PDE4D: variants seen among roughly 807,000 people sequenced by gnomAD.
PDE4D encodes 3',5'-cyclic-AMP phosphodiesterase 4D.
PDE4D carries 24 observed loss-of-function variants against 87.4 expected under a neutral mutation model. The ratio of observed to expected loss-of-function variants is 0.27; its 90% CI spans 0.20 to 0.39. The LOEUF (loss-of-function observed/expected upper bound fraction) is 0.39, where lower values mean the gene tolerates loss of function less well. Ranked by LOEUF, PDE4D falls within the 10% of genes least tolerant of loss-of-function variation. PDE4D has a pLI of 1.00. For missense variants in PDE4D, 714 were observed against 1,041.0 expected (o/e 0.69, Z 4.32); for synonymous variants, 384 against 383.2 (o/e 1.00, Z -0.02).
chr5:60,431,174 A>AC (rs1430061543), intron 1 of PDE4D: 5 of 179,312 alleles, frequency 2.8e-5, no homozygotes, highest in African/African-American at 2.7e-5. Flanking sequence ...CGGGGGGCTG[A>AC]CCCCCCCACC....
intron 1 of PDE4D, among the ~76,000 whole-genome samples, chr5:59,826,426 A>AAC (rs1413452391): frequency 6.6e-6 from 1 of 152,176 alleles, no homozygotes; most frequent in Non-Finnish European, 1.5e-5. Flanking sequence ...GCACATGAAA[A>AAC]ACATTTATGC....
intron 2 of PDE4D, among the ~76,000 whole-genome samples, chr5:60,028,443 T>C (rs557476984): frequency 1.3e-5 from 2 of 152,294 alleles, no homozygotes; most frequent in East Asian, 1.9e-4. Context: ...TCTGCCCTCA[T>C]TGTTTGCCTA....
At chr5:59,848,718 G>T (rs1744243723) in intron 1 of PDE4D, among the ~76,000 whole-genome samples, 1 of 152,002 alleles carries the variant, frequency 6.6e-6, no homozygotes, top group Non-Finnish European at 1.5e-5. Context: ...AATATAGGAA[G>T]TATTTTTAAA....
At chr5:59,373,932 T>A (rs1424567134) in intron 1 of PDE4D, among the ~76,000 whole-genome samples, 1 of 152,080 alleles carries the variant, frequency 6.6e-6, no homozygotes, top group Non-Finnish European at 1.5e-5. Context: ...AAACTAAGCA[T>A]CATAAGTGAA....
At chr5:60,045,793 G>C (rs1173285961) in intron 2 of PDE4D, among the ~76,000 whole-genome samples, 1 of 152,182 alleles carries the variant, frequency 6.6e-6, no homozygotes, top group Non-Finnish European at 1.5e-5. Flanking sequence ...AAGTCAAGTA[G>C]TGTGATGCCT....
chr5:59,534,241 C>T (rs1258727357), intron 1 of PDE4D, among the ~76,000 whole-genome samples: 1 of 152,104 alleles, frequency 6.6e-6, no homozygotes, highest in African/African-American at 2.4e-5. Context: ...CAAAATCAAA[C>T]AGACAAGCCA....
At chr5:59,741,967 G>A (rs1758904346) in intron 1 of PDE4D, among the ~76,000 whole-genome samples, 1 of 152,092 alleles carries the variant, frequency 6.6e-6, no homozygotes, top group Non-Finnish European at 1.5e-5. Flanking sequence ...ACATATTGTT[G>A]AGAATGGTTT....
At chr5:59,675,503 G>A (rs755008773) in intron 1 of PDE4D, among the ~76,000 whole-genome samples, 1 of 152,124 alleles carries the variant, frequency 6.6e-6, no homozygotes, top group Non-Finnish European at 1.5e-5. Context: ...AAGTGAAAGG[G>A]CTTTGGAGCC....
chr5:60,001,923 C>G (rs1764061406), intron 2 of PDE4D, among the ~76,000 whole-genome samples: 1 of 131,974 alleles, frequency 7.6e-6, no homozygotes, highest in Non-Finnish European at 1.6e-5. Flanking sequence ...GAAAAGACAA[C>G]AAGGAATCAA....
At chr5:59,047,598 C>T (rs1760900918) in intron 5 of PDE4D, among the ~76,000 whole-genome samples, 1 of 152,110 alleles carries the variant, frequency 6.6e-6, no homozygotes, top group Non-Finnish European at 1.5e-5. Flanking sequence ...AGGAGAAAAT[C>T]CTAAGCAGTC....
intron 5 of PDE4D, among the ~76,000 whole-genome samples, chr5:59,103,161 T>C (rs1414489097): frequency 6.6e-6 from 1 of 152,216 alleles, no homozygotes; most frequent in South Asian, 2.1e-4. Context: ...ATAAAGTTCA[T>C]GAGTTCTGAG....
rs373473403 is a variant in PDE4D, at chr5:59,091,292, C to G, written c.809-52321G>C. 3.3e-5 allele frequency among the ~76,000 whole-genome samples: 5 copies of G among 152,142 alleles called. No individual in the cohort carries two copies. In the East Asian group the frequency reaches 9.7e-4, roughly 29 times the overall value. On this transcript the variant is annotated intron_variant, in intron 5 of 14. Coordinates refer to ENST00000340635, the MANE Select transcript of PDE4D (RefSeq NM_001104631.2). ...ATCCACTCCTAGGTATATTCCCCCA[C>G]AAAAATGTACGCTTATGTGCATCAA...
Position 58,974,385 on chromosome 5 carries a change from T to G in PDE4D, c.*279A>C. ...CTGATGAGTCACACTCTCTTGAAAA[T>G]AATTTGGAGTAGATTTTATCTGCTT... On this transcript the variant is annotated 3_prime_UTR_variant, in exon 15 of 15. Coordinates refer to ENST00000340635, the MANE Select transcript of PDE4D (RefSeq NM_001104631.2). 1 of 264,880 alleles carries G rather than the reference T, an allele frequency of 3.8e-6. No homozygotes were observed. The highest frequency in any genetic ancestry group is 7.1e-6 in the Non-Finnish European group (1 of 141,104). 16.4% of individuals were successfully genotyped at this position (264,880 alleles called of 1,614,324 possible).
At chr5:60,082,575 A>C (rs902469023) in intron 2 of PDE4D, among the ~76,000 whole-genome samples, 1 of 152,098 alleles carries the variant, frequency 6.6e-6, no homozygotes, top group African/African-American at 2.4e-5. Context: ...GATCTGATCC[A>C]TTACATACTT....
chr5:60,180,383 AC>A, intron 2 of PDE4D, among the ~76,000 whole-genome samples: 1 of 152,246 alleles, frequency 6.6e-6, no homozygotes, highest in African/African-American at 2.4e-5. Context: ...CACATTATTC[AC>A]AGCTCAAAAT....
intron 1 of PDE4D, among the ~76,000 whole-genome samples, chr5:59,748,971 C>T (rs1760030287): frequency 1.3e-5 from 2 of 152,212 alleles, no homozygotes; most frequent in Non-Finnish European, 2.9e-5. Flanking sequence ...ATAGCCTTCA[C>T]TGACAACTTG....
At chr5:59,913,308 A>C (rs1313130639) in intron 3 of PDE4D, among the ~76,000 whole-genome samples, 9 of 152,194 alleles carry the variant, frequency 5.9e-5, no homozygotes, top group Non-Finnish European at 8.8e-5. Context: ...TTTAGTAGAA[A>C]ATTCCCAAAG....
At chr5:59,185,008 A>C (rs1354548055) in intron 4 of PDE4D, among the ~76,000 whole-genome samples, 181 bp downstream of exon 4, 1 of 152,160 alleles carries the variant, frequency 6.6e-6, no homozygotes, top group African/African-American at 2.4e-5. Context: ...TTCATTTCTG[A>C]TATTAGAACC....
At chr5:59,561,499 T>C (rs1347495513) in intron 1 of PDE4D, among the ~76,000 whole-genome samples, 1 of 152,220 alleles carries the variant, frequency 6.6e-6, no homozygotes, top group Non-Finnish European at 1.5e-5. Flanking sequence ...AACAGCGTTT[T>C]GCTTATGGAT....
Sources: gnomAD v4.1 joint callset for allele counts (sites outside exome capture counted in the v4.1 genomes callset) on GRCh38, gnomAD v4.1.1 for gene constraint, MANE v1.5 for transcripts, NCBI Gene and HGNC (gene_info 2026-07-23, HGNC 2026-07-21) for gene names.